ELP4: variants seen among roughly 807,000 people sequenced by gnomAD.
The protein encoded by ELP4 is elongator complex protein 4.
In ELP4, 51 loss-of-function variants were observed where a neutral mutation model predicts 48.9. The ratio of observed to expected loss-of-function variants is 1.04; its 90% CI spans 0.83 to 1.32. The LOEUF (loss-of-function observed/expected upper bound fraction) is 1.32. Ranked by LOEUF, ELP4 falls within the 40% of genes most tolerant of loss-of-function variation. The pLI is 0.00. For synonymous variants in ELP4, 210 were observed against 189.2 expected, an observed-to-expected ratio of 1.11 and a Z score of -0.90; for missense variants, 519 against 514.6, an observed-to-expected ratio of 1.01 and a Z score of -0.08.
In ELP4 at chr11:31,632,297, A is replaced by G; in HGVS notation, c.819A>G (p.Glu273=). ...PLWGDDICCA[E]NGGNSHSLTK... is the part of the protein sequence containing the mutation. Reference sequence around the variant, plus strand: ...GGGGAGACGATATTTGCTGTGCAGAAAATGGTGGCAACAGTCACAGCCTTA... The same window carrying G: ...GGGGAGACGATATTTGCTGTGCAGAGAATGGTGGCAACAGTCACAGCCTTA... Residue 273 remains glutamate (E), a synonymous_variant, in exon 7 of 10, where the codon GAA becomes GAG. Coordinates refer to ENST00000640961, the MANE Select transcript of ELP4 (RefSeq NM_019040.5). 3 of 1,613,380 alleles carry G rather than the reference A, an allele frequency of 1.9e-6. No homozygotes were observed. Among genetic ancestry groups the G allele is most frequent in the Non-Finnish European group, 2.5e-6 (3 of 1,179,606 alleles).
At chr11:31,732,397 C>T (rs909592815) in intron 9 of ELP4, among the ~76,000 whole-genome samples, 5 of 150,520 alleles carry the variant, frequency 3.3e-5, no homozygotes, top group African/African-American at 1.2e-4. Flanking sequence ...TTGTGTTAGC[C>T]CCATGGTAAC....
chr11:31,510,907 T>C (rs1371112809), intron 1 of ELP4: 1 of 152,342 alleles, frequency 6.6e-6, no homozygotes, highest in Non-Finnish European at 1.5e-5. Context: ...CGTCTGTGTT[T>C]ACATAACTTT....
At chr11:31,583,251 G>C (rs762983475) in intron 3 of ELP4, among the ~76,000 whole-genome samples, 1 of 152,108 alleles carries the variant, frequency 6.6e-6, no homozygotes, top group Non-Finnish European at 1.5e-5. Flanking sequence ...AGCCATGTAT[G>C]TGGTAGAATC....
chr11:31,604,722 G>A (rs1957842130), intron 5 of ELP4, among the ~76,000 whole-genome samples: 1 of 151,874 alleles, frequency 6.6e-6, no homozygotes, highest in African/African-American at 2.4e-5. Context: ...TATAGTCTCT[G>A]TTCTAAAAAT....
rs558063635 is a variant in ELP4 at position 31,635,548 on chromosome 11, G to C, written c.927+3143G>C. ...AAACAAACTGCACAAAGTACCATTC[G>C]ATGATAGAAAGAACCTGGGATCTTA... On this transcript the variant is annotated intron_variant, in intron 7 of 9. Coordinates refer to ENST00000640961, the MANE Select transcript of ELP4 (RefSeq NM_019040.5). 5.9e-5 allele frequency among the ~76,000 whole-genome samples: 9 copies of C among 151,958 alleles called. 2 individuals are homozygous for C. The South Asian group carries it at 1.7e-3, about 28-fold the overall frequency.
intron 9 of ELP4, among the ~76,000 whole-genome samples, chr11:31,746,089 A>G (rs917064511): frequency 6.6e-6 from 1 of 151,600 alleles, no homozygotes; most frequent in African/African-American, 2.4e-5. Context: ...ATCTGAACAG[A>G]CACTTCTCAA....
chr11:31,542,514 G>C (rs1322009604), intron 3 of ELP4, among the ~76,000 whole-genome samples: 1 of 152,206 alleles, frequency 6.6e-6, no homozygotes, highest in African/African-American at 2.4e-5. Flanking sequence ...CCACATGCCA[G>C]AGTGAAAAAC....
chr11:31,751,004 T>C (rs1340145130), intron 9 of ELP4, among the ~76,000 whole-genome samples: 1 of 152,246 alleles, frequency 6.6e-6, no homozygotes. Context: ...ATTTTCAGTA[T>C]CTTTGCATAT....
chr11:31,763,246 G>A (rs960818108), intron 9 of ELP4, among the ~76,000 whole-genome samples: 5 of 151,914 alleles, frequency 3.3e-5, no homozygotes, highest in South Asian at 2.1e-4. Flanking sequence ...CTTTCCTGTC[G>A]CTTGATTTGT....
At chr11:31,762,849 A>G (rs1947971250) in intron 9 of ELP4, among the ~76,000 whole-genome samples, 1 of 151,712 alleles carries the variant, frequency 6.6e-6, no homozygotes, top group Non-Finnish European at 1.5e-5. Flanking sequence ...TTTATAGAAA[A>G]ATAATTTTTT....
chr11:31,745,880 A>C (rs1270744610), intron 9 of ELP4, among the ~76,000 whole-genome samples: 5 of 152,218 alleles, frequency 3.3e-5, no homozygotes, highest in Admixed American at 1.3e-4. Context: ...CAAAAGCCAA[A>C]ATTGACAAAT....
intron 5 of ELP4, among the ~76,000 whole-genome samples, chr11:31,610,100 A>G (rs1020962030): frequency 4.6e-5 from 7 of 152,164 alleles, no homozygotes; most frequent in Non-Finnish European, 1.0e-4. Flanking sequence ...AACATCTAAG[A>G]CTAAAAATTC....
At chr11:31,769,149 G>A (rs1948091803) in intron 9 of ELP4, among the ~76,000 whole-genome samples, 1 of 152,128 alleles carries the variant, frequency 6.6e-6, no homozygotes, top group Admixed American at 6.5e-5. Flanking sequence ...CCTTAAATGT[G>A]GGGGTCTCAA....
At chr11:31,536,703 T>C (rs1956507759) in intron 2 of ELP4, among the ~76,000 whole-genome samples, 1 of 152,236 alleles carries the variant, frequency 6.6e-6, no homozygotes, top group Admixed American at 6.5e-5. Flanking sequence ...CAACTAACAA[T>C]GTTGGAGCAT....
intron 3 of ELP4, among the ~76,000 whole-genome samples, chr11:31,577,147 C>G (rs1049174327): frequency 6.6e-6 from 1 of 152,134 alleles, no homozygotes; most frequent in African/African-American, 2.4e-5. Context: ...TCAGAGAATA[C>G]TATAAACACC....
At chr11:31,742,542 G>A (rs184746037) in intron 9 of ELP4, among the ~76,000 whole-genome samples, 3,307 of 152,262 alleles carry the variant, frequency 0.022, 111 homozygotes, top group African/African-American at 0.075. Context: ...TCAGACTAAC[G>A]GCTGATCTCT....
chr11:31,675,238 G>A (rs2134113253), intron 9 of ELP4, among the ~76,000 whole-genome samples: 1 of 152,192 alleles, frequency 6.6e-6, no homozygotes, highest in South Asian at 2.1e-4. Flanking sequence ...TCATGAGAGG[G>A]AGTGTAGTAT....
intron 2 of ELP4, among the ~76,000 whole-genome samples, chr11:31,522,293 G>A (rs1377259249): frequency 6.6e-6 from 1 of 152,138 alleles, no homozygotes; most frequent in Non-Finnish European, 1.5e-5. Flanking sequence ...ATACAAAACG[G>A]TGTGTAAAGA....
Position 31,627,191 on chromosome 11 carries a change from T to C in ELP4, c.735T>C (p.Pro245=). ...AGGAAGGATTTGATGGATCCAATCC[T>C]CAGGTATTAAATAGCTTCAAAGTCT... ...IYEEGFDGSN[P]QKKQRNILRI... Residue 245 remains proline, a synonymous_variant, in exon 6 of 10, where the codon CCT becomes CCC. Transcript: ENST00000640961. The C allele has an allele frequency of 6.6e-7, 1 of 1,521,862 alleles. No individual in the cohort carries two copies. The highest frequency in any genetic ancestry group is 8.9e-7 in the Non-Finnish European group (1 of 1,121,538). 94.3% of individuals were successfully genotyped at this position (1,521,862 alleles called of 1,614,324 possible). A position where few individuals can be genotyped will look rare whatever the true frequency, so the allele number is the denominator to read the frequency against.
Sources: allele counts gnomAD v4.1 joint callset (sites outside exome capture counted in the v4.1 genomes callset), GRCh38; gene constraint gnomAD v4.1.1; transcripts MANE v1.5; gene names NCBI Gene and HGNC (gene_info 2026-07-23, HGNC 2026-07-21).